Variants in RELN observed in about 807,000 individuals in gnomAD.
RELN encodes reelin.
A neutral mutation model predicts 427.6 loss-of-function variants in RELN; 108 were observed. That is an observed-to-expected ratio of 0.25 (90% CI 0.22 to 0.30). The LOEUF (loss-of-function observed/expected upper bound fraction) is 0.30, where lower values mean the gene tolerates loss of function less well. RELN is among the 10% of genes least tolerant of loss of function. The probability of loss-of-function intolerance (pLI) is 1.00; values close to 1 mark genes in which losing one functional copy is unlikely to be tolerated. For missense variants in RELN, 3,715 were observed against 4,302.8 expected (o/e 0.86, Z 3.82); for synonymous variants, 1,524 against 1,513.4 (o/e 1.01, Z -0.16).
At chr7:103,692,102 T>G (rs900624352) in intron 10 of RELN, among the ~76,000 whole-genome samples, 1 of 152,172 alleles carries the variant, frequency 6.6e-6, no homozygotes, top group African/African-American at 2.4e-5. Context: ...AAGTCATCAC[T>G]GAATTAAAAA....
intron 33 of RELN, among the ~76,000 whole-genome samples, 164 bp from the exon 34 acceptor site, chr7:103,565,715 GT>G (rs1830736130): frequency 6.6e-6 from 1 of 151,932 alleles, no homozygotes; most frequent in African/African-American, 2.4e-5. Flanking sequence ...CTTCTATTTG[GT>G]TACCATAGAT....
intron 46 of RELN, among the ~76,000 whole-genome samples, chr7:103,529,113 C>T (rs571037974): frequency 6.8e-6 from 1 of 146,380 alleles, no homozygotes; most frequent in African/African-American, 2.5e-5. Context: ...TCTAGCCTGA[C>T]AACAGAGTGA....
chr7:103,674,271 C>T (rs1018300476), intron 11 of RELN, among the ~76,000 whole-genome samples: 2 of 152,124 alleles, frequency 1.3e-5, no homozygotes, highest in Non-Finnish European at 2.9e-5. Context: ...GTTCTAATTT[C>T]ACAAATGCAG....
At chr7:103,951,078 T>C (rs1796321747) in intron 1 of RELN, among the ~76,000 whole-genome samples, 1 of 152,166 alleles carries the variant, frequency 6.6e-6, no homozygotes, top group Non-Finnish European at 1.5e-5. Context: ...TACAGGCACC[T>C]GCCACCACGC....
At chr7:103,738,004 C>A (rs1246747590) in intron 6 of RELN, among the ~76,000 whole-genome samples, 2 of 151,702 alleles carry the variant, frequency 1.3e-5, no homozygotes, top group Non-Finnish European at 2.9e-5. Flanking sequence ...ATCTAAGATG[C>A]TATTTCTGAG....
At chr7:103,780,556 T>G (rs186165877) in intron 3 of RELN, among the ~76,000 whole-genome samples, 1 of 152,264 alleles carries the variant, frequency 6.6e-6, no homozygotes, top group Non-Finnish European at 1.5e-5. Flanking sequence ...ACTCCCACCC[T>G]CCACCCTCCA....
intron 30 of RELN, among the ~76,000 whole-genome samples, chr7:103,572,543 A>T (rs988136298): frequency 3.4e-5 from 5 of 148,326 alleles, no homozygotes; most frequent in East Asian, 2.0e-4. Context: ...GTTATAATTT[A>T]TTTTTTTTTT....
At chr7:103,649,653 A>G (rs1432608390) in intron 16 of RELN, among the ~76,000 whole-genome samples, 1 of 152,062 alleles carries the variant, frequency 6.6e-6, no homozygotes, top group African/African-American at 2.4e-5. Flanking sequence ...CATGCAACCC[A>G]AGAGCTTAAA....
chr7:103,545,834 C>T (rs1333383757), intron 41 of RELN, among the ~76,000 whole-genome samples: 1 of 152,142 alleles, frequency 6.6e-6, no homozygotes, highest in Non-Finnish European at 1.5e-5. Context: ...TGGGGTTTCA[C>T]CATCTTGGCC....
intron 51 of RELN, among the ~76,000 whole-genome samples, chr7:103,505,993 G>C (rs549743137): frequency 1.3e-5 from 2 of 152,226 alleles, no homozygotes; most frequent in East Asian, 1.9e-4. Context: ...GAATATCAGA[G>C]AATGAAGATC....
chr7:103,566,823 C>A lies in RELN; in HGVS notation c.4589-64G>T, dbSNP rs139504045. 2,214 of 1,523,904 alleles carry A rather than the reference C, an allele frequency of 1.5e-3. 11 individuals carry two copies. The highest frequency in any genetic ancestry group is 1.1e-3 in the Non-Finnish European group (1,246 of 1,099,598). The allele number at this position is 1,523,904 out of a possible 1,614,324, so 94.4% of individuals were successfully genotyped here. A position where few individuals can be genotyped will look rare whatever the true frequency, so the allele number is the denominator to read the frequency against. ...TCCTAGAGGGGAAGGAACAGTATTT[C>A]TTAAATGGTGAGACTGCAGCAACCT... On this transcript the variant is annotated intron_variant, in intron 31 of 64. Coordinates refer to ENST00000428762, the MANE Select transcript of RELN (RefSeq NM_005045.4).
chr7:103,623,442 T>C (rs1832262635), intron 20 of RELN, among the ~76,000 whole-genome samples: 1 of 152,252 alleles, frequency 6.6e-6, no homozygotes, highest in African/African-American at 2.4e-5. Context: ...ACTTGGCTGT[T>C]ATTCTATAGG....
chr7:103,733,846 C>T lies in RELN; in HGVS notation c.657-5639G>A, dbSNP rs375188029. 7.6e-4 allele frequency among the ~76,000 whole-genome samples: 115 copies of T among 151,438 alleles called. 1 individual carries two copies. In the East Asian group the frequency reaches 0.011, roughly 14 times the overall value. ...GGGAGATATACCTAATGCTAGATGA[C>T]GAGTTAGTGGGTGCAGCGCACCAGC... is the stretch of plus-strand genomic sequence containing the variant. On this transcript the variant is annotated intron_variant, in intron 6 of 64. Coordinates refer to ENST00000428762, the MANE Select transcript of RELN (RefSeq NM_005045.4).
chr7:103,491,741 A>G (rs1828658320), intron 58 of RELN, among the ~76,000 whole-genome samples: 1 of 151,808 alleles, frequency 6.6e-6, no homozygotes, highest in Non-Finnish European at 1.5e-5. Flanking sequence ...AGGCAGGAGA[A>G]CCGCTTGAAC....
intron 28 of RELN, among the ~76,000 whole-genome samples, chr7:103,576,839 CAGTTTTGAGGTTGCCAAT>C (rs1196057964): frequency 6.6e-6 from 1 of 152,172 alleles, no homozygotes; most frequent in South Asian, 2.1e-4. Context: ...GGCTACTGCC[CAGTTTTGAGGTTGCCAAT>C]AGTTTTGAGG....
At chr7:103,929,847 C>T (rs548882821) in intron 1 of RELN, among the ~76,000 whole-genome samples, 4 of 152,336 alleles carry the variant, frequency 2.6e-5, no homozygotes, top group South Asian at 4.1e-4. Context: ...TTGACTTCAA[C>T]GCATCCGGCA....
At chr7:103,587,195 G>C (rs930317957) in intron 28 of RELN, among the ~76,000 whole-genome samples, 2 of 152,044 alleles carry the variant, frequency 1.3e-5, no homozygotes, top group African/African-American at 4.8e-5. Flanking sequence ...CAGACCAATG[G>C]AACAGAATAG....
intron 1 of RELN, among the ~76,000 whole-genome samples, chr7:103,954,360 A>G (rs1256261264): frequency 6.6e-6 from 1 of 152,204 alleles, no homozygotes; most frequent in Non-Finnish European, 1.5e-5. Flanking sequence ...CTATCGTGAT[A>G]GGCACCTAAC....
At chr7:103,707,532 C>A (rs950422437) in intron 8 of RELN, among the ~76,000 whole-genome samples, 6 of 150,374 alleles carry the variant, frequency 4.0e-5, no homozygotes, top group Non-Finnish European at 7.4e-5. Flanking sequence ...TGGAGTCTCG[C>A]TCTGTCGCCA....
Sources: allele counts gnomAD v4.1 joint callset (sites outside exome capture counted in the v4.1 genomes callset), GRCh38; gene constraint gnomAD v4.1.1; transcripts MANE v1.5; gene names NCBI Gene and HGNC (gene_info 2026-07-23, HGNC 2026-07-21).